Variants in SYCP2 observed in about 807,000 individuals in gnomAD.
SYCP2 encodes the protein synaptonemal complex lateral element protein.
SYCP2 carries 55 observed loss-of-function variants against 211.3 expected under a neutral mutation model. The observed-to-expected ratio is 0.26, with a 90% confidence interval of 0.21 to 0.33. SYCP2 has a LOEUF of 0.33. SYCP2 is among the 10% of genes least tolerant of loss of function. The probability of loss-of-function intolerance (pLI) is 1.00; values close to 1 mark genes in which losing one functional copy is unlikely to be tolerated. For missense variants in SYCP2, 1,731 were observed against 1,752.0 expected (o/e 0.99, Z 0.21); for synonymous variants, 570 against 555.2 (o/e 1.03, Z -0.37).
chr20:59,893,294 T>C (rs1010909178), intron 21 of SYCP2, 95 bp from the exon 22 acceptor site: 5 of 879,424 alleles, frequency 5.7e-6, no homozygotes, highest in Non-Finnish European at 5.2e-6. Context: ...GGTTCACATA[T>C]TGGGATGAAC....
chr20:59,875,568 A>T, intron 33 of SYCP2, 99 bp from the exon 34 acceptor site: 1 of 879,840 alleles, frequency 1.1e-6, no homozygotes, highest in Non-Finnish European at 1.7e-6. Context: ...AATGTTGTAT[A>T]TTACCACATA....
At chr20:59,872,549 TAAAC>T (rs2059473402) in intron 35 of SYCP2, among the ~76,000 whole-genome samples, 1 of 152,024 alleles carries the variant, frequency 6.6e-6, no homozygotes, top group Admixed American at 6.6e-5. Context: ...ATGTTTAAAT[TAAAC>T]AATCATAGGT....
chr20:59,931,798 C>G (rs2060748080), intron 2 of SYCP2, among the ~76,000 whole-genome samples: 1 of 152,146 alleles, frequency 6.6e-6, no homozygotes, highest in Non-Finnish European at 1.5e-5. Context: ...AGGTTACACA[C>G]ACACACACAC....
At chr20:59,898,366 A>C (rs2060050867) in intron 18 of SYCP2, among the ~76,000 whole-genome samples, 1 of 152,248 alleles carries the variant, frequency 6.6e-6, no homozygotes, top group Non-Finnish European at 1.5e-5. Context: ...TGGCACATAT[A>C]CATCATGGAA....
At chr20:59,907,298 A>G (rs2060231046) in intron 15 of SYCP2, 66 bp downstream of exon 15, 1 of 1,019,984 alleles carries the variant, frequency 9.8e-7, no homozygotes, top group African/African-American at 1.6e-5. Context: ...TAACCCAGAA[A>G]GGATGTAACA....
chr20:59,913,897 T>C (rs1380732534), intron 12 of SYCP2, 78 bp downstream of exon 12: 10 of 1,035,240 alleles, frequency 9.7e-6, no homozygotes, highest in Admixed American at 2.5e-5. Flanking sequence ...GTTAAATGTA[T>C]AAAGATGCAA....
rs747848555 is a variant in SYCP2, at chr20:59,911,752, CATT to C, written c.967_969del (p.Asn323del). On this transcript the variant is annotated inframe_deletion, in exon 14 of 45. Transcript: ENST00000357552. ...AATACCAACCAAATTAAACTTACATCATTATCTCCAGCAATGTAGAATGAGAGA... is the reference window on the plus strand; with the variant it reads ...AATACCAACCAAATTAAACTTACATCATCTCCAGCAATGTAGAATGAGAGA... The C allele has an allele frequency of 3.3e-6, 5 of 1,514,686 alleles. No individual in the cohort carries two copies. Among genetic ancestry groups the C allele is most frequent in the Admixed American group, 1.8e-5 (1 of 54,520 alleles). 93.8% of individuals were successfully genotyped at this position (1,514,686 alleles called of 1,614,324 possible). A position where few individuals can be genotyped will look rare whatever the true frequency, so the allele number is the denominator to read the frequency against.
chr20:59,907,530 T>A (rs992451237), intron 14 of SYCP2, 106 bp from the exon 15 acceptor site: 17 of 848,336 alleles, frequency 2.0e-5, no homozygotes, highest in Non-Finnish European at 2.6e-5. Flanking sequence ...TTTTTGCTAG[T>A]CACTAAGTAA....
In SYCP2 at chr20:59,864,252, T is replaced by C; in HGVS notation, c.*59A>G. On this transcript the variant is annotated 3_prime_UTR_variant, in exon 45 of 45. Coordinates refer to ENST00000357552, the MANE Select transcript of SYCP2 (RefSeq NM_014258.4). ...TTTCTCTTTGTAGGACTATTCTTAT[T>C]TCCTCAGTTATATACAGAGAATAAT... The C allele has an allele frequency of 3.3e-6, 4 of 1,209,930 alleles. No individual in the cohort carries two copies. Among genetic ancestry groups the C allele is most frequent in the Non-Finnish European group, 4.7e-6 (4 of 850,676 alleles). 74.9% of individuals were successfully genotyped at this position (1,209,930 alleles called of 1,614,324 possible).
In SYCP2 at chr20:59,885,927, CCTTA is replaced by C. The variant is rs776067478; in HGVS notation, c.2526_2529del (p.Ser842ArgfsTer12). On this transcript the variant is annotated frameshift_variant and splice_region_variant, in exon 26 of 45. Coordinates refer to ENST00000357552, the MANE Select transcript of SYCP2 (RefSeq NM_014258.4). LOFTEE classifies it high-confidence loss of function. The stretch of plus-strand genomic sequence containing the variant: ...GGTGAAGTTAAGTAAATAACACCTA[CCTTA>C]CTGAGTTGTACAACAGGTTTGTTTG... 6.3e-7 allele frequency: 1 copy of C among 1,598,880 alleles called. No individual in the cohort carries two copies.
At chr20:59,931,122 AAAAAT>A (rs1405742043) in intron 2 of SYCP2, among the ~76,000 whole-genome samples, 1 of 152,222 alleles carries the variant, frequency 6.6e-6, no homozygotes, top group Non-Finnish European at 1.5e-5. Flanking sequence ...ATTCAGTCAT[AAAAAT>A]AATAGCCTTG....
chr20:59,896,369 A>C, intron 19 of SYCP2, 60 bp downstream of exon 19: 2 of 954,228 alleles, frequency 2.1e-6, no homozygotes, highest in Non-Finnish European at 3.2e-6. Flanking sequence ...AATTGCCTTA[A>C]ATTAAAAAAT....
intron 4 of SYCP2, among the ~76,000 whole-genome samples, chr20:59,920,788 A>T (rs923170553): frequency 1.1e-4 from 16 of 151,764 alleles, no homozygotes; most frequent in African/African-American, 3.6e-4. Flanking sequence ...GTATTTAACT[A>T]ACAGAAACAA....
intron 12 of SYCP2, among the ~76,000 whole-genome samples, chr20:59,913,769 A>G (rs1600957370): frequency 1.3e-5 from 2 of 152,108 alleles, no homozygotes; most frequent in East Asian, 3.8e-4. Flanking sequence ...AAAATAAAAC[A>G]AGGCCAGTGC....
At chr20:59,864,413 C>T in intron 44 of SYCP2, 25 bp from the exon 45 acceptor site, 1 of 1,489,302 alleles carries the variant, frequency 6.7e-7, no homozygotes, top group Non-Finnish European at 9.1e-7. Flanking sequence ...AAAAAAATCA[C>T]ACTTAGATTT....
rs778615364 is a variant in SYCP2 at position 59,877,463 on chromosome 20, G to T, written c.3072C>A (p.Asn1024Lys). Reference sequence around the variant, plus strand: ...ATTCTGAATTTGAGAGATCTTTATAGTTTTTTTTTGTTTTGGTTGCTTTTC... The same window carrying T: ...ATTCTGAATTTGAGAGATCTTTATATTTTTTTTTTGTTTTGGTTGCTTTTC... Reference protein sequence around the residue: ...LPRKATKTKKNYKDLSNSESE... With the variant: ...LPRKATKTKKKYKDLSNSESE... The change falls in exon 33 of 45, where the codon AAC (asparagine) becomes AAA (lysine). Residue 1024 changes from asparagine (N) to lysine (K), a missense_variant. By Grantham distance (94) the Asn-to-Lys change is moderately conservative. Around this residue, in one of 3 missense-constraint regions of SYCP2, gnomAD observed 1,387 missense variants for 1,351.3 expected, o/e 1.03. Transcript: ENST00000357552. 6.3e-7 allele frequency: 1 copy of T among 1,588,490 alleles called. No homozygotes were observed. The highest frequency in any genetic ancestry group is 1.4e-5 in the African/African-American group (1 of 73,430).
chr20:59,883,928 G>GATGA (rs1416254276), intron 26 of SYCP2, among the ~76,000 whole-genome samples: 82 of 151,930 alleles, frequency 5.4e-4, no homozygotes, highest in African/African-American at 1.9e-3. Context: ...CACACACAAA[G>GATGA]CTGAATACAT....
intron 32 of SYCP2, among the ~76,000 whole-genome samples, 184 bp from the exon 33 acceptor site, chr20:59,877,739 T>C (rs1394670473): frequency 6.6e-6 from 1 of 152,188 alleles, no homozygotes; most frequent in Non-Finnish European, 1.5e-5. Flanking sequence ...TTACCATCTC[T>C]GTATCCCTAC....
At chr20:59,873,426 A>G (rs777277103) in intron 35 of SYCP2, among the ~76,000 whole-genome samples, 1 of 152,210 alleles carries the variant, frequency 6.6e-6, no homozygotes, top group South Asian at 2.1e-4. Context: ...TACTCTGGAC[A>G]AAGGGTTGAT....
Sources: gnomAD v4.1 joint callset for allele counts (sites outside exome capture counted in the v4.1 genomes callset) on GRCh38, gnomAD v4.1.1 for gene constraint, gnomAD v4.1.1 regional missense constraint, MANE v1.5 for transcripts, NCBI Gene and HGNC (gene_info 2026-07-23, HGNC 2026-07-21) for gene names.